The following FIG4 variants were observed in gnomAD, a reference collection of about 807,000 sequenced individuals.
FIG4 encodes polyphosphoinositide phosphatase.
Under a neutral mutation model 118.6 loss-of-function variants are expected in FIG4, and 112 were observed. That is an observed-to-expected ratio of 0.94 (90% CI 0.81 to 1.11). FIG4 has a LOEUF of 1.11. Ranked by LOEUF, FIG4 falls within the 50% of genes least tolerant of loss-of-function variation. The probability of loss-of-function intolerance (pLI) is 0.00; values close to 1 mark genes in which losing one functional copy is unlikely to be tolerated. For synonymous variants in FIG4, 369 were observed against 381.2 expected, an observed-to-expected ratio of 0.97 and a Z score of 0.37; for missense variants, 969 against 1,111.7, an observed-to-expected ratio of 0.87 and a Z score of 1.83.
chr6:109,743,438 G>A (rs1776386566), intron 9 of FIG4, 166 bp downstream of exon 9: 1 of 694,964 alleles, frequency 1.4e-6, no homozygotes, highest in Non-Finnish European at 2.4e-6. Flanking sequence ...ATAAATTTAT[G>A]TTTAATTTTG....
At chr6:109,723,690 C>CAA (rs1562646502) in intron 3 of FIG4, among the ~76,000 whole-genome samples, 1 of 152,144 alleles carries the variant, frequency 6.6e-6, no homozygotes, top group Admixed American at 6.5e-5. Context: ...GCCCCTGACC[C>CAA]AAGTTGGGTC....
intron 22 of FIG4, among the ~76,000 whole-genome samples, chr6:109,803,263 A>C (rs187792542): frequency 1.1e-3 from 171 of 152,354 alleles, no homozygotes; most frequent in African/African-American, 4.0e-3. Context: ...ATCTGTTGGA[A>C]ACATCAGGAC....
At chr6:109,764,893 C>CT (rs960645722) in intron 13 of FIG4, 120 bp from the exon 14 acceptor site, 12 of 680,802 alleles carry the variant, frequency 1.8e-5, no homozygotes, top group South Asian at 1.2e-4. Context: ...TGCCCACAGA[C>CT]TTTTTTTGTT....
intron 6 of FIG4, 49 bp downstream of exon 6, chr6:109,735,347 G>A (rs1776130326): frequency 6.6e-7 from 1 of 1,515,332 alleles, no homozygotes; most frequent in Non-Finnish European, 9.2e-7. Context: ...TATCCATGAA[G>A]TGATATCTTA....
chr6:109,752,051 A>C (rs1776722540), intron 10 of FIG4, among the ~76,000 whole-genome samples: 1 of 128,822 alleles, frequency 7.8e-6, no homozygotes, highest in Non-Finnish European at 1.6e-5. Flanking sequence ...ATGTGTTCTC[A>C]TTGTTCAGTT....
intron 1 of FIG4, among the ~76,000 whole-genome samples, chr6:109,703,629 C>T (rs190783988): frequency 7.2e-5 from 11 of 152,308 alleles, no homozygotes; most frequent in Middle Eastern, 3.4e-3. Flanking sequence ...GTCCACTCCT[C>T]CATCTTTATC....
At position 109,777,174 on chromosome 6, in the gene FIG4, T is replaced by A. The variant is rs187945448; in HGVS notation, c.1889+114T>A. On this transcript the variant is annotated intron_variant, in intron 16 of 22. Transcript: ENST00000230124. Reference sequence around the variant, plus strand: ...AAATAGTCAGTTTTATTTTATTTTTTAAAATTTTTAAAATTTTTTGTGGGT... The same window carrying A: ...AAATAGTCAGTTTTATTTTATTTTTAAAAATTTTTAAAATTTTTTGTGGGT... 3.3e-4 allele frequency: 319 copies of A among 962,104 alleles called. 1 individual carries two copies. Among genetic ancestry groups the A allele is most frequent in the Middle Eastern group, 2.0e-3 (6 of 3,020 alleles). The allele number at this position is 962,104 out of a possible 1,614,324, so 59.6% of individuals were successfully genotyped here.
chr6:109,726,747 TG>T (rs1775831398), intron 3 of FIG4, among the ~76,000 whole-genome samples: 1 of 152,236 alleles, frequency 6.6e-6, no homozygotes. Flanking sequence ...GAGCATAGAA[TG>T]TTTTTTCATT....
intron 3 of FIG4, 84 bp from the exon 4 acceptor site, chr6:109,727,025 A>G (rs368269554): frequency 9.9e-6 from 10 of 1,012,852 alleles, no homozygotes; most frequent in African/African-American, 4.8e-5. Flanking sequence ...GAAATGTATC[A>G]AAGGTCTTTG....
chr6:109,790,561 C>G (rs943005416), intron 19 of FIG4, among the ~76,000 whole-genome samples: 3 of 152,190 alleles, frequency 2.0e-5, no homozygotes, highest in African/African-American at 7.2e-5. Context: ...AGGTCAGAGA[C>G]TGCTTGTTTT....
intron 10 of FIG4, among the ~76,000 whole-genome samples, chr6:109,753,140 G>A (rs1023112319): frequency 1.3e-5 from 2 of 152,140 alleles, no homozygotes; most frequent in Admixed American, 6.5e-5. Context: ...TCAAAGATCA[G>A]ATAGTTGTAG....
At chr6:109,722,987 A>G (rs1471907946) in intron 3 of FIG4, among the ~76,000 whole-genome samples, 2 of 54,186 alleles carry the variant, frequency 3.7e-5, no homozygotes, top group Non-Finnish European at 7.3e-5. Flanking sequence ...CCCAGAGTAG[A>G]TATCCTGTCA....
At chr6:109,696,676 T>C (rs1021933012) in intron 1 of FIG4, among the ~76,000 whole-genome samples, 1 of 152,132 alleles carries the variant, frequency 6.6e-6, no homozygotes, top group Non-Finnish European at 1.5e-5. Context: ...ACGTGGGTGC[T>C]AAAAAACGAT....
intron 18 of FIG4, among the ~76,000 whole-genome samples, chr6:109,788,045 A>G (rs1778032943): frequency 6.6e-6 from 1 of 152,202 alleles, no homozygotes; most frequent in Non-Finnish European, 1.5e-5. Context: ...ACTATAAAAC[A>G]GGCTTTGTGT....
intron 22 of FIG4, among the ~76,000 whole-genome samples, chr6:109,798,555 C>T (rs960514547): frequency 6.6e-6 from 1 of 152,080 alleles, no homozygotes; most frequent in Non-Finnish European, 1.5e-5. Flanking sequence ...GATGTAAATG[C>T]TCATGAGTAA....
chr6:109,699,837 T>C (rs1179269715), intron 1 of FIG4, among the ~76,000 whole-genome samples: 1 of 152,136 alleles, frequency 6.6e-6, no homozygotes, highest in Non-Finnish European at 1.5e-5. Context: ...CAGTGTCTTA[T>C]TCCGTTCAGG....
At chr6:109,720,489 T>G (rs1583647305) in intron 3 of FIG4, among the ~76,000 whole-genome samples, 1 of 152,222 alleles carries the variant, frequency 6.6e-6, no homozygotes, top group Admixed American at 6.5e-5. Flanking sequence ...CATGAGAATC[T>G]AGAACAATAC....
At chr6:109,773,816 C>A (rs1007006133) in intron 15 of FIG4, among the ~76,000 whole-genome samples, 1 of 152,052 alleles carries the variant, frequency 6.6e-6, no homozygotes, top group Non-Finnish European at 1.5e-5. Context: ...GGACCACACT[C>A]GTCTAATTTT....
chr6:109,699,988 G>A (rs986373753), intron 1 of FIG4, among the ~76,000 whole-genome samples: 4 of 152,260 alleles, frequency 2.6e-5, no homozygotes, highest in South Asian at 4.1e-4. Flanking sequence ...GAGCAAATAA[G>A]GCTTCCTTGA....
Sources: gnomAD v4.1 joint callset for allele counts (sites outside exome capture counted in the v4.1 genomes callset) on GRCh38, gnomAD v4.1.1 for gene constraint, MANE v1.5 for transcripts, NCBI Gene and HGNC (gene_info 2026-07-23, HGNC 2026-07-21) for gene names.